CADM2: variants seen among roughly 807,000 people sequenced by gnomAD.
CADM2 encodes cell adhesion molecule 2.
CADM2 carries 12 observed loss-of-function variants against 49.8 expected under a neutral mutation model. The observed-to-expected ratio is 0.24, with a 90% CI of 0.15 to 0.39. The LOEUF (loss-of-function observed/expected upper bound fraction) is 0.39. CADM2 is among the 10% of genes least tolerant of loss of function. The probability of loss-of-function intolerance (pLI) is 1.00; values close to 1 mark genes in which losing one functional copy is unlikely to be tolerated. For synonymous variants in CADM2, 214 were observed against 175.4 expected (o/e 1.22, Z -1.74); for missense variants, 378 against 492.3 (o/e 0.77, Z 2.20).
At chr3:85,295,094 G>GA (rs1173618351) in intron 1 of CADM2, among the ~76,000 whole-genome samples, 2 of 151,922 alleles carry the variant, frequency 1.3e-5, no homozygotes, top group South Asian at 2.1e-4. Flanking sequence ...AAATTTAGAA[G>GA]AAAAAAACAA....
intron 8 of CADM2, among the ~76,000 whole-genome samples, chr3:85,979,901 A>G (rs1471044136): frequency 6.6e-6 from 1 of 151,626 alleles, no homozygotes; most frequent in Non-Finnish European, 1.5e-5. Flanking sequence ...AATTTCTGAT[A>G]TCATTATACA....
At chr3:85,294,651 C>T (rs967896242) in intron 1 of CADM2, among the ~76,000 whole-genome samples, 1 of 151,764 alleles carries the variant, frequency 6.6e-6, no homozygotes, top group Non-Finnish European at 1.5e-5. Context: ...CTACAACTAT[C>T]TGATCTTTGA....
At chr3:85,095,434 C>A (rs1014412374) in intron 1 of CADM2, among the ~76,000 whole-genome samples, 2 of 152,088 alleles carry the variant, frequency 1.3e-5, no homozygotes, top group East Asian at 1.9e-4. Flanking sequence ...ATGAAACATT[C>A]TCCTATTGTT....
intron 8 of CADM2, among the ~76,000 whole-genome samples, chr3:86,020,134 A>G (rs1017148506): frequency 1.3e-5 from 2 of 152,208 alleles, no homozygotes; most frequent in Non-Finnish European, 2.9e-5. Context: ...AATAGATGCA[A>G]TAAAAAATGA....
At chr3:85,354,013 C>T (rs534132588) in intron 1 of CADM2, among the ~76,000 whole-genome samples, 45 of 151,796 alleles carry the variant, frequency 3.0e-4, no homozygotes, top group African/African-American at 8.7e-4. Flanking sequence ...CTCTTGTCAA[C>T]GCCATTTTTT....
chr3:85,845,540 C>A (rs563121701), intron 3 of CADM2, among the ~76,000 whole-genome samples: 114 of 152,248 alleles, frequency 7.5e-4, no homozygotes, highest in Middle Eastern at 6.8e-3. Context: ...CATGAACAAT[C>A]TCTGTGCTGA....
At chr3:85,318,879 T>C (rs373942030) in intron 1 of CADM2, among the ~76,000 whole-genome samples, 1 of 152,184 alleles carries the variant, frequency 6.6e-6, no homozygotes, top group Non-Finnish European at 1.5e-5. Context: ...TGTGATATGA[T>C]TTAATATTTT....
At chr3:85,883,237 A>G in intron 3 of CADM2, 54 bp from the exon 4 acceptor site, 1 of 1,449,828 alleles carries the variant, frequency 6.9e-7, no homozygotes, top group South Asian at 1.3e-5. Flanking sequence ...TAGTCTAAAA[A>G]TACTGACTGT....
intron 1 of CADM2, among the ~76,000 whole-genome samples, chr3:85,695,471 G>A (rs1257912727): frequency 6.6e-6 from 1 of 151,904 alleles, no homozygotes; most frequent in Non-Finnish European, 1.5e-5. Context: ...TTAGGATAAT[G>A]TTCACTTAGG....
In CADM2 at chr3:85,780,105, C is replaced by T. The variant is rs146346621; in HGVS notation, c.89-21942C>T. 6.6e-3 allele frequency among the ~76,000 whole-genome samples: 1,005 copies of T among 152,058 alleles called. 3 individuals carry two copies. Among genetic ancestry groups the T allele is most frequent in the African/African-American group, 0.011 (450 of 41,482 alleles). On this transcript the variant is annotated intron_variant, in intron 2 of 9. Transcript: ENST00000383699. Reference sequence around the variant, plus strand: ...AATTATTTAAGTGAAATCTGAAATGCGAGTTAAAGTGTACACTTGTTTAAC... The same window carrying T: ...AATTATTTAAGTGAAATCTGAAATGTGAGTTAAAGTGTACACTTGTTTAAC...
At chr3:85,638,227 AT>A (rs2064578710) in intron 1 of CADM2, among the ~76,000 whole-genome samples, 2 of 152,290 alleles carry the variant, frequency 1.3e-5, no homozygotes, top group Admixed American at 1.3e-4. Flanking sequence ...GAAAGCTATA[AT>A]TTAAACATCT....
intron 3 of CADM2, among the ~76,000 whole-genome samples, chr3:85,843,064 A>G (rs1159652827): frequency 2.0e-5 from 3 of 152,172 alleles, no homozygotes; most frequent in Non-Finnish European, 4.4e-5. Context: ...AGGAAACCGT[A>G]TAACCATGAT....
At chr3:85,021,298 G>A (rs1559621043) in intron 1 of CADM2, among the ~76,000 whole-genome samples, 1 of 152,080 alleles carries the variant, frequency 6.6e-6, no homozygotes, top group Admixed American at 6.5e-5. Context: ...ATTTTAGTTG[G>A]TAAATATTTT....
At chr3:85,350,674 T>A (rs7642269) in intron 1 of CADM2, among the ~76,000 whole-genome samples, 3,744 of 152,208 alleles carry the variant, frequency 0.025, 123 homozygotes, top group African/African-American at 0.077. Flanking sequence ...CTCACAGTAT[T>A]TAGTTTAGTA....
At chr3:85,806,658 C>T (rs371270739) in intron 3 of CADM2, among the ~76,000 whole-genome samples, 1 of 152,000 alleles carries the variant, frequency 6.6e-6, no homozygotes, top group South Asian at 2.1e-4. Flanking sequence ...TTGCTTGAAC[C>T]CAGGAACCGG....
chr3:85,505,038 G>T (rs1204228318), intron 1 of CADM2, among the ~76,000 whole-genome samples: 1 of 152,102 alleles, frequency 6.6e-6, no homozygotes, highest in Non-Finnish European at 1.5e-5. Context: ...GCGCAGCCCC[G>T]GTTCCCGCTG....
chr3:85,309,959 C>T (rs1409589196), intron 1 of CADM2, among the ~76,000 whole-genome samples: 1 of 152,150 alleles, frequency 6.6e-6, no homozygotes. Context: ...AGATACTGTC[C>T]AGTTTTGTGT....
At chr3:85,118,103 A>C (rs1182628210) in intron 1 of CADM2, among the ~76,000 whole-genome samples, 5 of 151,676 alleles carry the variant, frequency 3.3e-5, no homozygotes, top group Non-Finnish European at 7.4e-5. Context: ...TTTGCCTTAC[A>C]TAAAGGGTTT....
chr3:85,065,878 A>G (rs532099883), intron 1 of CADM2, among the ~76,000 whole-genome samples: 3 of 152,288 alleles, frequency 2.0e-5, no homozygotes, highest in Non-Finnish European at 4.4e-5. Flanking sequence ...AACCTTCAAC[A>G]ATAACTTTCT....
Sources: gnomAD v4.1 joint callset for allele counts (sites outside exome capture counted in the v4.1 genomes callset) on GRCh38, gnomAD v4.1.1 for gene constraint, MANE v1.5 for transcripts, NCBI Gene and HGNC (gene_info 2026-07-23, HGNC 2026-07-21) for gene names.